ATXN7L1: variants seen among roughly 807,000 people sequenced by gnomAD.
ATXN7L1 encodes ataxin-7-like protein 1.
Under a neutral mutation model 70.8 loss-of-function variants are expected in ATXN7L1, and 15 were observed. The observed-to-expected ratio is 0.21, with a 90% CI of 0.14 to 0.33. The LOEUF (loss-of-function observed/expected upper bound fraction) is 0.33, where lower values mean the gene tolerates loss of function less well. Ranked by LOEUF, ATXN7L1 falls within the 10% of genes least tolerant of loss-of-function variation. The pLI, the probability that ATXN7L1 is intolerant of heterozygous loss-of-function variation, is 1.00. For missense variants in ATXN7L1, 975 were observed against 1,097.1 expected, an observed-to-expected ratio of 0.89 and a Z score of 1.57; for synonymous variants, 440 against 445.1, an observed-to-expected ratio of 0.99 and a Z score of 0.14.
At chr7:105,629,838 GAC>G (rs1796329311) in intron 7 of ATXN7L1, among the ~76,000 whole-genome samples, 1 of 148,040 alleles carries the variant, frequency 6.8e-6, no homozygotes, top group African/African-American at 2.5e-5. Context: ...TTTTTTTTGA[GAC>G]ACAGTCTCAC....
intron 7 of ATXN7L1, among the ~76,000 whole-genome samples, chr7:105,637,275 G>A (rs1320655838): frequency 1.3e-5 from 2 of 152,154 alleles, no homozygotes; most frequent in Non-Finnish European, 2.9e-5. Flanking sequence ...GGCAGATCAG[G>A]AGCCACTGCT....
intron 3 of ATXN7L1, among the ~76,000 whole-genome samples, chr7:105,759,545 G>C (rs1218387050): frequency 6.6e-6 from 1 of 151,738 alleles, no homozygotes; most frequent in Non-Finnish European, 1.5e-5. Flanking sequence ...AGGAAGTGGG[G>C]TGTGATCAGA....
chr7:105,655,580 G>A (rs1015419864), intron 4 of ATXN7L1, among the ~76,000 whole-genome samples: 5 of 152,070 alleles, frequency 3.3e-5, no homozygotes, highest in Admixed American at 6.6e-5. Context: ...TGGGTTGCTC[G>A]TATTTCACAG....
At chr7:105,791,959 C>T (rs930814837) in intron 2 of ATXN7L1, among the ~76,000 whole-genome samples, 1 of 152,190 alleles carries the variant, frequency 6.6e-6, no homozygotes, top group Admixed American at 6.5e-5. Flanking sequence ...GAGGCTGAGA[C>T]CAGACATTGG....
rs1334890862 is a variant in ATXN7L1, at chr7:105,738,854, T to G, written c.355+49750A>C. ...AGTTGGATGTGCCATAACTATTTGC[T>G]GGATGCAGAGCGCTAAGCCAGAGTT... On this transcript the variant is annotated intron_variant, in intron 3 of 11. Transcript: ENST00000419735. Among the ~76,000 whole-genome samples the G allele has an allele frequency of 5.3e-5, 8 of 152,236 alleles. No homozygotes were observed. In the East Asian group the frequency reaches 1.3e-3, roughly 26 times the overall value.
chr7:105,788,510 G>C, intron 3 of ATXN7L1, 94 bp downstream of exon 3: 1 of 1,020,442 alleles, frequency 9.8e-7, no homozygotes. Context: ...GCTGAGACAA[G>C]ACATGGCGAG....
intron 2 of ATXN7L1, among the ~76,000 whole-genome samples, chr7:105,828,725 C>T (rs1477918214): frequency 6.6e-6 from 1 of 152,120 alleles, no homozygotes; most frequent in Non-Finnish European, 1.5e-5. Context: ...AAGCTAAATG[C>T]ACACAGTCCA....
rs1468028548 is a variant in ATXN7L1 at position 105,834,963 on chromosome 7, G to A, written c.250+40849C>T. ...CCAGTTTTTCCCAGGGCTAAAAGTG[G>A]TCTCTGGGACTCACTGAATGGGTTT... On this transcript the variant is annotated intron_variant, in intron 2 of 11. Transcript: ENST00000419735. 3.3e-5 allele frequency among the ~76,000 whole-genome samples: 5 copies of A among 151,844 alleles called. No individual in the cohort carries two copies. In the East Asian group the frequency reaches 9.7e-4, roughly 29 times the overall value.
intron 7 of ATXN7L1, among the ~76,000 whole-genome samples, chr7:105,628,558 G>A (rs2115837908): frequency 6.6e-6 from 1 of 152,016 alleles, no homozygotes; most frequent in Middle Eastern, 3.4e-3. Context: ...GGGAGGCCGA[G>A]GCAGTTGGAT....
At chr7:105,630,743 TAAATAAA>T (rs1187707653) in intron 7 of ATXN7L1, among the ~76,000 whole-genome samples, 1 of 151,282 alleles carries the variant, frequency 6.6e-6, no homozygotes, top group Non-Finnish European at 1.5e-5. Flanking sequence ...AATAAATAAA[TAAATAAA>T]AGAGACACAA....
chr7:105,606,098 A>G lies in ATXN7L1; in HGVS notation c.*1754T>C, dbSNP rs972352834. On this transcript the variant is annotated 3_prime_UTR_variant, in exon 12 of 12. Transcript: ENST00000419735. ...AGTAACAATCATCCCTTCAATTTGC[A>G]GTCTCTTTTCCCAAGACGTAAATAA... 3 of 152,094 alleles carry G rather than the reference A, an allele frequency of 2.0e-5. No individual in the cohort carries two copies. Among genetic ancestry groups the G allele is most frequent in the Admixed American group, 2.0e-4 (3 of 15,254 alleles). 9.4% of individuals were successfully genotyped at this position (152,094 alleles called of 1,614,324 possible). A position where few individuals can be genotyped will look rare whatever the true frequency, so the allele number is the denominator to read the frequency against.
intron 3 of ATXN7L1, among the ~76,000 whole-genome samples, chr7:105,683,081 A>G (rs972959554): frequency 6.6e-6 from 1 of 152,230 alleles, no homozygotes; most frequent in African/African-American, 2.4e-5. Context: ...TTTTAAGTTA[A>G]AGTAATTAAG....
rs186469830 is a variant in ATXN7L1 at position 105,755,836 on chromosome 7, G to A, written c.355+32768C>T. On this transcript the variant is annotated intron_variant, in intron 3 of 11. Coordinates refer to ENST00000419735, the MANE Select transcript of ATXN7L1 (RefSeq NM_020725.2). ...AAAGCATGGGCACTGAACACCACAC[G>A]AAAGAGATGCTCTGCGTTGGGAGGG... Among the ~76,000 whole-genome samples the A allele has an allele frequency of 8.5e-5, 13 of 152,310 alleles. No homozygotes were observed. The East Asian group carries it at 2.5e-3, about 29-fold the overall frequency.
intron 2 of ATXN7L1, among the ~76,000 whole-genome samples, chr7:105,805,273 G>T (rs1807399497): frequency 6.6e-6 from 1 of 152,200 alleles, no homozygotes; most frequent in African/African-American, 2.4e-5. Flanking sequence ...GGCCTTCCTG[G>T]GGGCAGGCGA....
At chr7:105,851,279 C>G (rs1232514640) in intron 2 of ATXN7L1, among the ~76,000 whole-genome samples, 1 of 152,156 alleles carries the variant, frequency 6.6e-6, no homozygotes, top group Non-Finnish European at 1.5e-5. Context: ...AGTCACACAG[C>G]AAGCAAGCAG....
intron 3 of ATXN7L1, among the ~76,000 whole-genome samples, chr7:105,670,394 C>G (rs576245810): frequency 9.2e-5 from 14 of 152,138 alleles, no homozygotes; most frequent in Non-Finnish European, 1.8e-4. Flanking sequence ...CATGATATCC[C>G]TCATTGTTAA....
chr7:105,619,512 ATATATATATATATATATATTTTTTTT>A (rs1283202151), intron 9 of ATXN7L1, among the ~76,000 whole-genome samples: 1 of 14,700 alleles, frequency 6.8e-5, no homozygotes, highest in East Asian at 1.7e-3. Flanking sequence ...ATATATATAT[ATATATATATATATATATATTTTTTTT>A]TTTTTTTTTT....
chr7:105,801,314 G>A (rs1451865260), intron 2 of ATXN7L1, among the ~76,000 whole-genome samples: 1 of 152,198 alleles, frequency 6.6e-6, no homozygotes, highest in Non-Finnish European at 1.5e-5. Flanking sequence ...AACAGTAGAT[G>A]AGGGCTTCTC....
intron 3 of ATXN7L1, among the ~76,000 whole-genome samples, chr7:105,741,978 T>C (rs1798067919): frequency 6.6e-6 from 1 of 152,240 alleles, no homozygotes; most frequent in African/African-American, 2.4e-5. Context: ...TGCTGACATG[T>C]TGATCTTGGA....
Sources: gnomAD v4.1 joint callset for allele counts (sites outside exome capture counted in the v4.1 genomes callset) on GRCh38, gnomAD v4.1.1 for gene constraint, MANE v1.5 for transcripts, NCBI Gene and HGNC (gene_info 2026-07-23, HGNC 2026-07-21) for gene names.